The following RGL1 variants were observed in gnomAD, a reference collection of about 807,000 sequenced individuals.
RGL1 encodes ral guanine nucleotide dissociation stimulator-like 1.
Under a neutral mutation model 95.2 loss-of-function variants are expected in RGL1, and 24 were observed. The observed-to-expected ratio is 0.25, with a 90% CI of 0.18 to 0.35. The LOEUF (loss-of-function observed/expected upper bound fraction) is 0.35. Ranked by LOEUF, RGL1 falls within the 10% of genes least tolerant of loss-of-function variation. The probability of loss-of-function intolerance (pLI) is 1.00; values close to 1 mark genes in which losing one functional copy is unlikely to be tolerated. For missense variants in RGL1, 715 were observed against 936.3 expected (o/e 0.76, Z 3.08); for synonymous variants, 329 against 344.9 (o/e 0.95, Z 0.51).
rs768230227 is a variant in RGL1, at chr1:183,847,807, A to C, written c.347+33A>C. The stretch of plus-strand genomic sequence containing the variant: ...TGTAAAGGAGCTTTTGAGTTGAAAG[A>C]AATGTAGGCTGATTATGGAGTGGAG... On this transcript the variant is annotated intron_variant, in intron 3 of 17. Transcript: ENST00000360851. 3.2e-6 allele frequency: 5 copies of C among 1,557,194 alleles called. No individual in the cohort carries two copies. In the African/African-American group the frequency reaches 6.8e-5, roughly 21 times the overall value.
At chr1:183,916,813 C>T in intron 16 of RGL1, 112 bp downstream of exon 16, 51 of 1,174,566 alleles carry the variant, frequency 4.3e-5, no homozygotes, top group Non-Finnish European at 6.0e-5. Context: ...TTAGCATATA[C>T]ATATATGCAT....
intron 2 of RGL1, among the ~76,000 whole-genome samples, chr1:183,794,053 T>G (rs2102385164): frequency 9.4e-6 from 1 of 106,658 alleles, no homozygotes; most frequent in South Asian, 2.9e-4. Flanking sequence ...AAAGAAAATG[T>G]GGACACACAC....
intron 1 of RGL1, among the ~76,000 whole-genome samples, chr1:183,640,500 T>A (rs1176996436): frequency 1.3e-5 from 2 of 152,176 alleles, no homozygotes; most frequent in Non-Finnish European, 2.9e-5. Flanking sequence ...TTAAAAAAAA[T>A]TGTAAATCTC....
intron 2 of RGL1, among the ~76,000 whole-genome samples, chr1:183,823,514 A>C (rs1444813630): frequency 2.0e-5 from 3 of 152,218 alleles, no homozygotes; most frequent in Non-Finnish European, 4.4e-5. Context: ...ATGGCTAAAC[A>C]TAAAGCTCTG....
At chr1:183,859,500 G>T (rs114182489) in intron 3 of RGL1, among the ~76,000 whole-genome samples, 2,100 of 152,268 alleles carry the variant, frequency 0.014, 29 homozygotes, top group Non-Finnish European at 0.022. Flanking sequence ...TGTCAAGTGG[G>T]GCAGAAATAT....
chr1:183,720,561 C>T (rs141466377), intron 1 of RGL1, among the ~76,000 whole-genome samples: 47 of 152,308 alleles, frequency 3.1e-4, no homozygotes, highest in African/African-American at 1.1e-3. Context: ...TTAAGTTGTC[C>T]ACTTCCCTTG....
At chr1:183,671,652 T>C (rs6676348) in intron 1 of RGL1, among the ~76,000 whole-genome samples, 12,737 of 152,210 alleles carry the variant, frequency 0.084, 1,015 homozygotes, top group African/African-American at 0.21. Context: ...AGATACCACA[T>C]TTATCAAGAA....
intron 1 of RGL1, among the ~76,000 whole-genome samples, chr1:183,681,275 A>G (rs992050040): frequency 2.6e-5 from 4 of 152,194 alleles, no homozygotes; most frequent in Non-Finnish European, 5.9e-5. Flanking sequence ...GAATGCTTTC[A>G]GCTTTTGCCC....
In RGL1 at chr1:183,724,926, G is replaced by A. The variant is rs898158430; in HGVS notation, c.-32-17200G>A. ...CAGTCCCAGTGGTAGTGGCCACAGG[G>A]GTGGTTGTGTCATCTCTCCCCCAGC... On this transcript the variant is annotated intron_variant, in intron 1 of 18. Transcript: ENST00000304685. This position sits in a 1 kb window ranked among gnomAD's most constrained non-coding sequence, Gnocchi z 4.1. Among the ~76,000 whole-genome samples, 1 of 151,678 alleles carries A rather than the reference G, an allele frequency of 6.6e-6. No homozygotes were observed.
chr1:183,660,656 GAA>G (rs1651548135), intron 1 of RGL1, among the ~76,000 whole-genome samples: 1 of 151,394 alleles, frequency 6.6e-6, no homozygotes, highest in Non-Finnish European at 1.5e-5. Flanking sequence ...CAACGAGACA[GAA>G]AGTTAACAAG....
At chr1:183,890,031 G>C (rs932651462) in intron 8 of RGL1, among the ~76,000 whole-genome samples, 2 of 152,062 alleles carry the variant, frequency 1.3e-5, no homozygotes, top group African/African-American at 4.8e-5. Context: ...ATAGGCCCTG[G>C]TGAAATGCGA....
At chr1:183,657,490 T>A (rs905574065) in intron 1 of RGL1, among the ~76,000 whole-genome samples, 1 of 152,128 alleles carries the variant, frequency 6.6e-6, no homozygotes, top group Non-Finnish European at 1.5e-5. Context: ...CCTTCCTGTG[T>A]CCATGTGTTC....
intron 1 of RGL1, among the ~76,000 whole-genome samples, chr1:183,654,656 C>T (rs1651008464): frequency 6.6e-6 from 1 of 152,176 alleles, no homozygotes; most frequent in Non-Finnish European, 1.5e-5. Flanking sequence ...CAAATCTGCA[C>T]CAGCATCCCA....
chr1:183,748,650 C>T (rs1325568065), intron 2 of RGL1, among the ~76,000 whole-genome samples: 1 of 152,082 alleles, frequency 6.6e-6, no homozygotes, highest in African/African-American at 2.4e-5. Context: ...TCGTGATCTG[C>T]CTGCCTCGGC....
intron 2 of RGL1, among the ~76,000 whole-genome samples, chr1:183,750,483 C>T (rs1657923336): frequency 6.6e-6 from 1 of 152,196 alleles, no homozygotes; most frequent in African/African-American, 2.4e-5. Context: ...AGGTTCTTAG[C>T]TTCCTTGCAT....
At chr1:183,874,100 A>C (rs762564178) in intron 4 of RGL1, among the ~76,000 whole-genome samples, 4 of 152,204 alleles carry the variant, frequency 2.6e-5, no homozygotes, top group Non-Finnish European at 4.4e-5. Flanking sequence ...TAATAGCTAG[A>C]ATTTATTGAC....
At chr1:183,658,376 G>A (rs1246007678) in intron 1 of RGL1, among the ~76,000 whole-genome samples, 1 of 152,256 alleles carries the variant, frequency 6.6e-6, no homozygotes, top group East Asian at 1.9e-4. Context: ...TTTTCCAACA[G>A]GCTTAAAAAA....
intron 1 of RGL1, among the ~76,000 whole-genome samples, chr1:183,693,275 T>A (rs1372792033): frequency 6.6e-6 from 1 of 151,944 alleles, no homozygotes; most frequent in Non-Finnish European, 1.5e-5. Flanking sequence ...ATATATCAAA[T>A]ATACACAACA....
chr1:183,754,264 G>A (rs1412865982), intron 2 of RGL1, among the ~76,000 whole-genome samples: 2 of 152,030 alleles, frequency 1.3e-5, no homozygotes, highest in Non-Finnish European at 2.9e-5. Context: ...ACATTTTAGG[G>A]TCTCAGTTTT....
Sources: allele counts gnomAD v4.1 joint callset (sites outside exome capture counted in the v4.1 genomes callset), GRCh38; gene constraint gnomAD v4.1.1; non-coding constraint Gnocchi (gnomAD v3.1); transcripts MANE v1.5; gene names NCBI Gene and HGNC (gene_info 2026-07-23, HGNC 2026-07-21).